Variants in PEX6 observed in about 807,000 individuals in gnomAD.
The protein encoded by PEX6 is peroxisome biogenesis factor 6.
In PEX6, 55 loss-of-function variants were observed where a neutral mutation model predicts 85.6. That is an observed-to-expected ratio of 0.64 (90% CI 0.52 to 0.80). The LOEUF is 0.80. Among genes scored for constraint, PEX6 ranks in the 30% least tolerant of loss-of-function variants. The pLI, the probability that PEX6 is intolerant of heterozygous loss-of-function variation, is 0.00. For synonymous variants in PEX6, 519 were observed against 549.1 expected, an observed-to-expected ratio of 0.95 and a Z score of 0.77; for missense variants, 1,099 against 1,260.3, an observed-to-expected ratio of 0.87 and a Z score of 1.94.
intron 3 of PEX6, 143 bp from the exon 4 acceptor site, chr6:42,970,130 G>A: frequency 1.4e-6 from 1 of 724,054 alleles, no homozygotes. Context: ...GAATGCAGAT[G>A]GACTTTCTCA....
chr6:42,968,240 G>A (rs202215084), intron 7 of PEX6, 50 bp downstream of exon 7: 126 of 1,509,464 alleles, frequency 8.3e-5, no homozygotes, highest in Admixed American at 5.2e-4. Flanking sequence ...GTGAGCCACC[G>A]CGCCCAGCCG....
chr6:42,974,457 T>TTG (rs1581772552), intron 2 of PEX6, among the ~76,000 whole-genome samples: 203 of 122,942 alleles, frequency 1.7e-3, no homozygotes, highest in African/African-American at 7.1e-3. Context: ...TTTTGTTTTT[T>TTG]TTTTTTTTTT....
At chr6:42,968,242 G>A (rs765367009) in intron 7 of PEX6, 48 bp downstream of exon 7, 18 of 1,522,548 alleles carry the variant, frequency 1.2e-5, no homozygotes, top group South Asian at 1.0e-4. Context: ...GAGCCACCGC[G>A]CCCAGCCGGC....
rs988510807 is a variant in PEX6 at position 42,964,015 on chromosome 6, C to T, written c.*320G>A. On this transcript the variant is annotated 3_prime_UTR_variant, in exon 17 of 17. Coordinates refer to ENST00000304611, the MANE Select transcript of PEX6 (RefSeq NM_000287.4). This position sits in a 1 kb window ranked among gnomAD's most constrained non-coding sequence, Gnocchi z 4.6. ...TTCATGCCACAACACCAGTAGGGGG[C>T]GGGACATGCTTTATTTTCAGCCACA... 1.3e-5 allele frequency: 6 copies of T among 475,474 alleles called. No homozygotes were observed. The highest frequency in any genetic ancestry group is 2.2e-5 in the African/African-American group (1 of 46,462). 29.5% of individuals were successfully genotyped at this position (475,474 alleles called of 1,614,324 possible).
intron 1 of PEX6, 88 bp downstream of exon 1, chr6:42,978,181 C>T: frequency 6.9e-7 from 1 of 1,456,042 alleles, no homozygotes; most frequent in Non-Finnish European, 9.6e-7. Context: ...TGATATGGGG[C>T]ACGAGTCCTA....
chr6:42,970,277 G>C (rs761242225), intron 3 of PEX6, among the ~76,000 whole-genome samples: 1 of 152,226 alleles, frequency 6.6e-6, no homozygotes, highest in African/African-American at 2.4e-5. Context: ...AATGGGAGAA[G>C]CTGCTGCTGC....
rs768532180 is a variant in PEX6 at position 42,978,419 on chromosome 6, G to T, written c.732C>A (p.Val244=). The change falls in exon 1 of 17, where the codon GTC becomes GTA. Residue 244 remains valine (V), a synonymous_variant. Coordinates refer to ENST00000304611, the MANE Select transcript of PEX6 (RefSeq NM_000287.4). ...CAGAGAGGTCCCAGCGAGGTTCTAG[G>T]ACCTGCACCCTAGCCAAGTGCGGCT... is the stretch of plus-strand genomic sequence containing the variant. ...TSQPHLARVQ[V]LEPRWDLSDR... 6.2e-7 allele frequency: 1 copy of T among 1,614,160 alleles called. No homozygotes were observed. Among genetic ancestry groups the T allele is most frequent in the South Asian group, 1.1e-5 (1 of 91,080 alleles).
At chr6:42,968,223 T>C in intron 7 of PEX6, 67 bp downstream of exon 7, 1 of 1,363,154 alleles carries the variant, frequency 7.3e-7, no homozygotes, top group Non-Finnish European at 1.0e-6. Context: ...GTGCTGGGAT[T>C]ATAAGTGTGA....
At chr6:42,968,848 G>C in intron 6 of PEX6, 26 bp downstream of exon 6, 4 of 1,496,030 alleles carry the variant, frequency 2.7e-6, no homozygotes, top group African/African-American at 1.4e-5. Flanking sequence ...GAAGTAGCTG[G>C]GGTTCTACTC....
chr6:42,975,080 G>A (rs1038452344), intron 1 of PEX6, 42 bp from the exon 2 acceptor site: 2 of 1,532,214 alleles, frequency 1.3e-6, no homozygotes, highest in East Asian at 2.2e-5. Flanking sequence ...TTCTCCTAAG[G>A]GGGCAGGCTC....
In PEX6 at chr6:42,974,040, C is replaced by T. The variant is rs2150234941; in HGVS notation, c.1093G>A (p.Val365Ile). The change falls in exon 3 of 17, where the codon GTA becomes ATA. Residue 365 changes from valine to isoleucine, a missense_variant. Transcript: ENST00000304611. ...DVLCVPTIGQ[V>I]EILEGSPEKL... The stretch of plus-strand genomic sequence containing the variant: ...TCTGGACTTCCTTCCAGGATCTCTA[C>T]TTGCCCAATTGTTGGCACACATAGA... The T allele has an allele frequency of 6.2e-7, 1 of 1,614,134 alleles. No individual in the cohort carries two copies. Among genetic ancestry groups the T allele is most frequent in the Non-Finnish European group, 8.5e-7 (1 of 1,179,978 alleles).
In PEX6 at chr6:42,966,394, C is replaced by G. The variant is rs766104579; in HGVS notation, c.2148G>C (p.Glu716Asp). The G allele has an allele frequency of 6.2e-7, 1 of 1,614,146 alleles. No homozygotes were observed. Among genetic ancestry groups the G allele is most frequent in the Admixed American group, 1.7e-5 (1 of 60,022 alleles). ...GGGGGAGCTGAATGGTCTCCAGGAT[C>G]TCCTTCTTCACCTCCTGCAGCCCAC... ...DVGGLQEVKK[E>D]ILETIQLPLE... Residue 716 changes from glutamate to aspartate, a missense_variant, in exon 11 of 17, where the codon GAG becomes GAC. This residue lies in a region of PEX6 where 514 missense variants were observed against 627.0 expected (regional missense o/e 0.82). Transcript: ENST00000304611.
chr6:42,968,574 G>A, intron 6 of PEX6, 76 bp from the exon 7 acceptor site: 1 of 1,292,556 alleles, frequency 7.7e-7, no homozygotes, highest in African/African-American at 1.5e-5. Context: ...GGAGGAGGAG[G>A]TGGAAGATGT....
chr6:42,974,460 T>TG (rs1228062153), intron 2 of PEX6, among the ~76,000 whole-genome samples: 20 of 139,298 alleles, frequency 1.4e-4, no homozygotes, highest in Admixed American at 2.1e-4. Flanking sequence ...TGTTTTTTTT[T>TG]TTTTTTTTTT....
At position 42,969,981 on chromosome 6, in the gene PEX6, C is replaced by A. The variant is rs766574538; in HGVS notation, c.1137G>T (p.Arg379=). The A allele has an allele frequency of 4.3e-5, 69 of 1,613,914 alleles. No individual in the cohort carries two copies. The highest frequency in any genetic ancestry group is 5.6e-5 in the Non-Finnish European group (66 of 1,179,938). The change falls in exon 4 of 17, where the codon CGG becomes CGT. Residue 379 remains arginine (R), a synonymous_variant. Coordinates refer to ENST00000304611, the MANE Select transcript of PEX6 (RefSeq NM_000287.4). The part of the protein sequence containing the change: ...EGSPEKLPRW[R]EMFFKVKKTV... ...TTTTCTTCACTTTAAAAAACATTTC[C>A]CGCCACCTGCAGGAAAAAGGCCCAA...
chr6:42,967,639 G>T, intron 7 of PEX6, 76 bp from the exon 8 acceptor site: 1 of 1,382,434 alleles, frequency 7.2e-7, no homozygotes, highest in Non-Finnish European at 1.0e-6. Flanking sequence ...CCCAAAGTCG[G>T]CACAGAAGGG....
At position 42,966,850 on chromosome 6, in the gene PEX6, C is replaced by T. The variant is rs760291226; in HGVS notation, c.1893G>A (p.Val631=). The T allele has an allele frequency of 2.5e-6, 4 of 1,612,722 alleles. No homozygotes were observed. Among genetic ancestry groups the T allele is most frequent in the African/African-American group, 1.3e-5 (1 of 74,964 alleles). ...TCAGAAGGGCATAGAGATCCCCTAC[C>T]ACAAAGCCCTAGGGAACCACAGGAA... is the stretch of plus-strand genomic sequence containing the variant. The part of the protein sequence containing the change: ...AQLARRCAGF[V]VGDLYALLTH... Residue 631 remains valine, a synonymous_variant, in exon 9 of 17, where the codon GTG becomes GTA. Transcript: ENST00000304611.
In PEX6 at chr6:42,971,009, T is replaced by A. The variant is rs768520265; in HGVS notation, c.1131-1022A>T. On this transcript the variant is annotated intron_variant, in intron 3 of 16. Transcript: ENST00000304611. The surrounding 1 kb of genome is among the most constrained non-coding windows in gnomAD (Gnocchi z 4.4). Reference sequence around the variant, plus strand: ...AGAAATCATGAACTACTTCCCTCTTTAATCCTCAGGCAGCAAGGCAATGAC... The same window carrying A: ...AGAAATCATGAACTACTTCCCTCTTAAATCCTCAGGCAGCAAGGCAATGAC... 5.3e-5 allele frequency among the ~76,000 whole-genome samples: 8 copies of A among 152,298 alleles called. No individual in the cohort carries two copies. The highest frequency in any genetic ancestry group is 3.4e-3 in the Middle Eastern group (1 of 294).
chr6:42,970,990 C>A (rs6903216), intron 3 of PEX6, among the ~76,000 whole-genome samples: 3,613 of 152,272 alleles, frequency 0.024, 147 homozygotes, highest in African/African-American at 0.079. Context: ...ATAAAGAAAT[C>A]ATGAACTACT....
Sources: allele counts gnomAD v4.1 joint callset (sites outside exome capture counted in the v4.1 genomes callset), GRCh38; gene constraint gnomAD v4.1.1; regional missense constraint gnomAD v4.1.1; non-coding constraint Gnocchi (gnomAD v3.1); transcripts MANE v1.5; gene names NCBI Gene and HGNC (gene_info 2026-07-23, HGNC 2026-07-21).